Variants in G3BP2 observed in about 807,000 individuals in gnomAD.
The protein encoded by G3BP2 is G3BP stress granule assembly factor 2.
G3BP2 carries 11 observed loss-of-function variants against 56.7 expected under a neutral mutation model. The ratio of observed to expected loss-of-function variants is 0.19; its 90% confidence interval spans 0.12 to 0.32. The LOEUF (loss-of-function observed/expected upper bound fraction) is 0.32, where lower values mean the gene tolerates loss of function less well. Ranked by LOEUF, G3BP2 falls within the 10% of genes least tolerant of loss-of-function variation. The probability of loss-of-function intolerance (pLI) is 1.00; values close to 1 mark genes in which losing one functional copy is unlikely to be tolerated. For missense variants in G3BP2, 340 were observed against 610.9 expected (o/e 0.56, Z 4.67); for synonymous variants, 165 against 191.6 (o/e 0.86, Z 1.15).
Position 75,673,402 on chromosome 4 carries a change from A to G in G3BP2, c.-219T>C, listed in dbSNP as rs1039222477. 4.1e-6 allele frequency: 5 copies of G among 1,232,276 alleles called. No homozygotes were observed. Among genetic ancestry groups the G allele is most frequent in the Non-Finnish European group, 4.0e-6 (4 of 988,072 alleles). The allele number at this position is 1,232,276 out of a possible 1,614,324, so 76.3% of individuals were successfully genotyped here. ...CCAGGCGCTGCGACGTGCGACAAGG[A>G]CCACGGACGTCCCGCCCCCTTTGCC... On this transcript the variant is annotated 5_prime_UTR_variant, in exon 1 of 12. Transcript: ENST00000359707.
upstream of G3BP2, among the ~76,000 whole-genome samples, chr4:75,677,573 A>C (rs1474582800): frequency 1.3e-5 from 2 of 151,644 alleles, no homozygotes; most frequent in Admixed American, 1.3e-4. Flanking sequence ...TCTGTCTCAA[A>C]AAATAAAAAA....
upstream of G3BP2, among the ~76,000 whole-genome samples, chr4:75,674,714 ATATATTTTTTTTTTTT>A (rs1290954093): frequency 1.8e-5 from 1 of 54,820 alleles, no homozygotes; most frequent in Non-Finnish European, 3.6e-5. Context: ...ATATATATAT[ATATATTTTTTTTTTTT>A]TTTTTTTTTT....
At chr4:75,669,741 A>T (rs555324044) in intron 1 of G3BP2, among the ~76,000 whole-genome samples, 12 of 152,380 alleles carry the variant, frequency 7.9e-5, no homozygotes, top group African/African-American at 2.6e-4. Context: ...TGGGTTATAC[A>T]AAATAAATTC....
intron 3 of G3BP2, among the ~76,000 whole-genome samples, chr4:75,697,302 G>GAAAAAAAAAAA (rs1719939935): frequency 1.9e-5 from 1 of 53,362 alleles, no homozygotes; most frequent in Non-Finnish European, 3.3e-5. Context: ...AAAAAAAAAA[G>GAAAAAAAAAAA]ATCATGAAAT....
upstream of G3BP2, among the ~76,000 whole-genome samples, chr4:75,676,119 C>A (rs894512949): frequency 6.6e-5 from 10 of 152,088 alleles, no homozygotes; most frequent in Admixed American, 5.2e-4. Flanking sequence ...TATCTCTACA[C>A]AAATAGCCCC....
chr4:75,658,617 C>T (rs1179702827), intron 3 of G3BP2, among the ~76,000 whole-genome samples: 1 of 151,620 alleles, frequency 6.6e-6, no homozygotes, highest in Admixed American at 6.6e-5. Context: ...ATCTCAGCTA[C>T]TTGGGAGGCT....
At chr4:75,693,047 C>A (rs1188685945) in intron 3 of G3BP2, among the ~76,000 whole-genome samples, 1 of 151,998 alleles carries the variant, frequency 6.6e-6, no homozygotes, top group East Asian at 1.9e-4. Flanking sequence ...GAATTTGAGA[C>A]CGCCTGGCAA....
intron 2 of G3BP2, among the ~76,000 whole-genome samples, chr4:75,661,163 CTG>C: frequency 1.3e-5 from 2 of 152,326 alleles, no homozygotes; most frequent in South Asian, 4.1e-4. Flanking sequence ...AAGCCTCACT[CTG>C]TCACCCAGGC....
chr4:75,658,966 G>C lies in G3BP2; in HGVS notation c.96-42C>G, dbSNP rs578131304. 1.5e-4 allele frequency: 212 copies of C among 1,399,500 alleles called. 1 individual carries two copies. The South Asian group carries it at 2.2e-3, about 15-fold the overall frequency. 86.7% of individuals were successfully genotyped at this position (1,399,500 alleles called of 1,614,324 possible). A position where few individuals can be genotyped will look rare whatever the true frequency, so the allele number is the denominator to read the frequency against. Reference sequence around the variant, plus strand: ...AATGATTAACACTGAATTGTCAAGAGAAGCCTAAGAAGCAGAATTCTGGTG... The same window carrying C: ...AATGATTAACACTGAATTGTCAAGACAAGCCTAAGAAGCAGAATTCTGGTG... On this transcript the variant is annotated intron_variant, in intron 2 of 11. Transcript: ENST00000359707.
At chr4:75,660,256 T>C (rs968963608) in intron 2 of G3BP2, among the ~76,000 whole-genome samples, 1 of 152,200 alleles carries the variant, frequency 6.6e-6, no homozygotes, top group African/African-American at 2.4e-5. Flanking sequence ...ATTAATTATT[T>C]ATCTTCCCCC....
intron 3 of G3BP2, among the ~76,000 whole-genome samples, chr4:75,704,107 C>T (rs1486727406): frequency 2.6e-5 from 4 of 151,666 alleles, no homozygotes; most frequent in Non-Finnish European, 5.9e-5. Flanking sequence ...CAACCTCCGC[C>T]TCCTGGGTTC....
At position 75,687,534 on chromosome 4, in the gene G3BP2, T is replaced by C. The variant is rs554328827; in HGVS notation, c.-24-25485A>G. Among the ~76,000 whole-genome samples the C allele has an allele frequency of 2.6e-5, 4 of 152,284 alleles. No homozygotes were observed. The East Asian group carries it at 5.8e-4, about 22-fold the overall frequency. On this transcript the variant is annotated intron_variant, in intron 3 of 3. Coordinates refer to the G3BP2 transcript ENST00000499709. ...CTATAAGATGTGAGATCTAAAAGAA[T>C]CACAGCAGAAGCTGAGACAACACTT... is the stretch of plus-strand genomic sequence containing the variant.
At chr4:75,669,727 T>TC (rs1410319679) in intron 1 of G3BP2, among the ~76,000 whole-genome samples, 1 of 152,212 alleles carries the variant, frequency 6.6e-6, no homozygotes, top group African/African-American at 2.4e-5. Flanking sequence ...ACAAGCTGAG[T>TC]CAATGGGTTA....
intron 3 of G3BP2, among the ~76,000 whole-genome samples, chr4:75,703,514 G>A (rs753431596): frequency 3.3e-5 from 5 of 152,134 alleles, no homozygotes; most frequent in African/African-American, 4.8e-5. Flanking sequence ...ATACGACTGT[G>A]AAATAGACAA....
intron 1 of G3BP2, among the ~76,000 whole-genome samples, chr4:75,669,296 T>C (rs902323416): frequency 1.3e-5 from 2 of 152,196 alleles, no homozygotes; most frequent in African/African-American, 4.8e-5. Flanking sequence ...AGAAAGCTAT[T>C]TCCTTATTTC....
rs954785489 is a variant in G3BP2, at chr4:75,643,460, T to C, written c.*1970A>G. ...GAATTTCAAGTACTATATCAGAAAG[T>C]ATAAAACTGTTTCAAACAGAAAAAA... On this transcript the variant is annotated 3_prime_UTR_variant, in exon 12 of 12. Coordinates refer to ENST00000359707, the MANE Select transcript of G3BP2 (RefSeq NM_203505.3). 3 of 147,802 alleles carry C rather than the reference T, an allele frequency of 2.0e-5. 1 individual carries two copies. The highest frequency in any genetic ancestry group is 3.0e-5 in the Non-Finnish European group (2 of 67,038). 9.2% of individuals were successfully genotyped at this position (147,802 alleles called of 1,614,324 possible).
chr4:75,656,827 A>C (rs112296656), intron 5 of G3BP2, 97 bp downstream of exon 5: 1 of 696,414 alleles, frequency 1.4e-6, no homozygotes, highest in African/African-American at 1.9e-5. Flanking sequence ...AGTTACAATA[A>C]AGCAGCAAAT....
chr4:75,668,032 T>G (rs1733193410), intron 1 of G3BP2, among the ~76,000 whole-genome samples: 1 of 152,220 alleles, frequency 6.6e-6, no homozygotes, highest in Non-Finnish European at 1.5e-5. Context: ...TCCTCTGCAT[T>G]TGCCTAATTC....
chr4:75,675,290 C>A (rs1733829294), upstream of G3BP2, among the ~76,000 whole-genome samples: 1 of 152,188 alleles, frequency 6.6e-6, no homozygotes, highest in South Asian at 2.1e-4. Flanking sequence ...AAATATTCTT[C>A]ACCATGTATC....
Sources: allele counts gnomAD v4.1 joint callset (sites outside exome capture counted in the v4.1 genomes callset), GRCh38; gene constraint gnomAD v4.1.1; transcripts MANE v1.5; gene names NCBI Gene and HGNC (gene_info 2026-07-23, HGNC 2026-07-21).